Variants in ZFHX3 observed in about 807,000 individuals in gnomAD.
ZFHX3 encodes the protein zinc finger homeobox protein 3.
A neutral mutation model predicts 279.1 loss-of-function variants in ZFHX3; 42 were observed. The observed-to-expected ratio is 0.15, with a 90% confidence interval of 0.12 to 0.19. The LOEUF (loss-of-function observed/expected upper bound fraction) is 0.19. ZFHX3 is among the 10% of genes least tolerant of loss of function. The probability of loss-of-function intolerance (pLI) is 1.00; values close to 1 mark genes in which losing one functional copy is unlikely to be tolerated. For synonymous variants in ZFHX3, 2,293 were observed against 1,957.8 expected, an observed-to-expected ratio of 1.17 and a Z score of -4.52; for missense variants, 4,981 against 4,754.0, an observed-to-expected ratio of 1.05 and a Z score of -1.40.
At chr16:73,812,223 G>A (rs1214675203) in intron 1 of ZFHX3, among the ~76,000 whole-genome samples, 1 of 152,154 alleles carries the variant, frequency 6.6e-6, no homozygotes, top group African/African-American at 2.4e-5. Context: ...GCAAGCATGG[G>A]CTGGGCATCC....
At chr16:73,385,989 T>TGG (rs2016895037) in intron 3 of ZFHX3, among the ~76,000 whole-genome samples, 2 of 149,998 alleles carry the variant, frequency 1.3e-5, no homozygotes, top group Non-Finnish European at 3.0e-5. Context: ...TGTGAAATGG[T>TGG]GGGGGGTGGG....
chr16:73,612,412 C>T (rs1893638174), intron 2 of ZFHX3, among the ~76,000 whole-genome samples: 1 of 152,158 alleles, frequency 6.6e-6, no homozygotes, highest in Non-Finnish European at 1.5e-5. Context: ...TGCAAACACG[C>T]TGCTGTAATA....
At chr16:73,406,804 CA>C (rs1165013495) in intron 3 of ZFHX3, among the ~76,000 whole-genome samples, 2 of 152,150 alleles carry the variant, frequency 1.3e-5, no homozygotes, top group African/African-American at 4.8e-5. Flanking sequence ...AAGATGTCTG[CA>C]AAAGAACAGA....
intron 3 of ZFHX3, among the ~76,000 whole-genome samples, chr16:73,450,187 C>T (rs58403985): frequency 0.092 from 14,020 of 152,160 alleles, 2,118 homozygotes; most frequent in African/African-American, 0.32. Context: ...AAATCCACTC[C>T]TATCAAACTT....
intron 4 of ZFHX3, among the ~76,000 whole-genome samples, chr16:73,298,427 G>A (rs775642419): frequency 6.6e-5 from 10 of 150,754 alleles, no homozygotes; most frequent in East Asian, 5.9e-4. Flanking sequence ...CAGGTGCTCC[G>A]CCTACCTCAG....
At chr16:73,817,450 TATC>T (rs1214734252) in intron 1 of ZFHX3, among the ~76,000 whole-genome samples, 1 of 152,214 alleles carries the variant, frequency 6.6e-6, no homozygotes, top group Non-Finnish European at 1.5e-5. Context: ...AGTTGGCTAT[TATC>T]ATCTTTCAGG....
chr16:73,324,954 C>T (rs1330069435), intron 3 of ZFHX3, among the ~76,000 whole-genome samples: 1 of 152,190 alleles, frequency 6.6e-6, no homozygotes, highest in Non-Finnish European at 1.5e-5. Context: ...CACTTTTATT[C>T]TAAAAATCAA....
At chr16:72,971,030 T>C (rs925265815) in intron 1 of ZFHX3, among the ~76,000 whole-genome samples, 1 of 152,312 alleles carries the variant, frequency 6.6e-6, no homozygotes, top group African/African-American at 2.4e-5. Flanking sequence ...GTAGGTAGTT[T>C]TTCGGGCTTT....
intron 2 of ZFHX3, among the ~76,000 whole-genome samples, chr16:73,588,754 C>G (rs1039041161): frequency 6.7e-6 from 1 of 149,216 alleles, no homozygotes; most frequent in Non-Finnish European, 1.5e-5. Flanking sequence ...ATAGTCAACA[C>G]CCCCAAGGAC....
Position 72,959,265 on chromosome 16 carries a change from A to G in ZFHX3, c.881T>C (p.Val294Ala). ...CACCGCGTGGGTCACAAACGAACGGACGTACCCAAAGGAGAGTTTGCACAA... is the reference window on the plus strand; with the variant it reads ...CACCGCGTGGGTCACAAACGAACGGGCGTACCCAAAGGAGAGTTTGCACAA... ...CFLCKLSFGYVRSFVTHAVHD... is the reference protein window; with the variant it reads ...CFLCKLSFGYARSFVTHAVHD... Residue 294 changes from valine to alanine, a missense_variant, in exon 2 of 10, where the codon GTC becomes GCC. Val to Ala is a moderately conservative substitution (Grantham distance 64). This residue lies in a region of ZFHX3 where 1,068 missense variants were observed against 935.2 expected (regional missense o/e 1.14). Transcript: ENST00000268489. The G allele has an allele frequency of 6.2e-7, 1 of 1,614,194 alleles. No individual in the cohort carries two copies. Among genetic ancestry groups the G allele is most frequent in the African/African-American group, 1.3e-5 (1 of 75,040 alleles).
chr16:73,342,470 C>G (rs1314638921), intron 3 of ZFHX3, among the ~76,000 whole-genome samples: 1 of 152,190 alleles, frequency 6.6e-6, no homozygotes, highest in Non-Finnish European at 1.5e-5. Flanking sequence ...TGCAATCAGA[C>G]AGTGCGGTAC....
At chr16:73,171,167 C>G (rs1266178690) in intron 5 of ZFHX3, among the ~76,000 whole-genome samples, 1 of 152,000 alleles carries the variant, frequency 6.6e-6, no homozygotes, top group Non-Finnish European at 1.5e-5. Context: ...ATTTCATCCC[C>G]CCAAAAAAGC....
chr16:72,789,118 C>A (rs769020274), intron 9 of ZFHX3: 16 of 386,196 alleles, frequency 4.1e-5, no homozygotes, highest in Non-Finnish European at 6.4e-5. Context: ...CAGAGCTGGA[C>A]AACCTTGTAT....
At chr16:72,868,822 G>C (rs952746165) in intron 4 of ZFHX3, among the ~76,000 whole-genome samples, 6 of 148,294 alleles carry the variant, frequency 4.0e-5, no homozygotes, top group Non-Finnish European at 7.4e-5. Flanking sequence ...TTCACCTCAG[G>C]AGTTGTAAGA....
At chr16:72,981,052 C>T (rs1257207587) in intron 1 of ZFHX3, among the ~76,000 whole-genome samples, 1 of 152,132 alleles carries the variant, frequency 6.6e-6, no homozygotes, top group Non-Finnish European at 1.5e-5. Flanking sequence ...TCAATACGTT[C>T]ATGGCAAGCC....
upstream of ZFHX3, among the ~76,000 whole-genome samples, chr16:73,052,195 C>T (rs572047058): frequency 6.7e-6 from 1 of 149,956 alleles, no homozygotes; most frequent in Non-Finnish European, 1.5e-5. Flanking sequence ...GGGATACTGC[C>T]TGTTTATACA....
chr16:73,734,202 T>C (rs1412215188), intron 1 of ZFHX3, among the ~76,000 whole-genome samples: 2 of 152,208 alleles, frequency 1.3e-5, no homozygotes, highest in Non-Finnish European at 2.9e-5. Flanking sequence ...CACTTCCTGC[T>C]GTGCAGCCCG....
At chr16:73,659,297 G>T (rs1372915050) in intron 2 of ZFHX3, among the ~76,000 whole-genome samples, 1 of 152,146 alleles carries the variant, frequency 6.6e-6, no homozygotes, top group Non-Finnish European at 1.5e-5. Context: ...AAACAACCTT[G>T]TCTGCTGGAG....
intron 3 of ZFHX3, among the ~76,000 whole-genome samples, chr16:72,940,251 G>C (rs536491707): frequency 6.6e-6 from 1 of 152,108 alleles, no homozygotes; most frequent in African/African-American, 2.4e-5. Context: ...GCCTGAGTCT[G>C]TACAAAATCC....
Sources: allele counts gnomAD v4.1 joint callset (sites outside exome capture counted in the v4.1 genomes callset), GRCh38; gene constraint gnomAD v4.1.1; regional missense constraint gnomAD v4.1.1; transcripts MANE v1.5; gene names NCBI Gene and HGNC (gene_info 2026-07-23, HGNC 2026-07-21).